Variants in GTF2A2 observed in about 807,000 individuals in gnomAD.
GTF2A2 encodes general transcription factor IIA subunit 2, also known as transcription initiation factor IIA subunit 2.
A neutral mutation model predicts 14.3 loss-of-function variants in GTF2A2; 9 were observed. The observed-to-expected ratio is 0.63, with a 90% CI of 0.38 to 1.10. The LOEUF is 1.10. Ranked by LOEUF, GTF2A2 falls within the 50% of genes least tolerant of loss-of-function variation. The pLI, the probability that GTF2A2 is intolerant of heterozygous loss-of-function variation, is 0.01. For missense variants in GTF2A2, 90 were observed against 124.6 expected, an observed-to-expected ratio of 0.72 and a Z score of 1.32; for synonymous variants, 56 against 46.0, an observed-to-expected ratio of 1.22 and a Z score of -0.88.
At chr15:59,639,649 G>A (rs998196988) in intron 4 of GTF2A2, among the ~76,000 whole-genome samples, 6 of 151,832 alleles carry the variant, frequency 4.0e-5, no homozygotes, top group South Asian at 2.1e-4. Context: ...CTTTAGAGAC[G>A]GGGTTTCACC....
chr15:59,641,369 T>A (rs1891420553), intron 4 of GTF2A2, among the ~76,000 whole-genome samples: 3 of 152,186 alleles, frequency 2.0e-5, no homozygotes, highest in Non-Finnish European at 4.4e-5. Context: ...GATTAGCTAT[T>A]TCTTTGGAAA....
chr15:59,655,295 C>A (rs763407625), intron 1 of GTF2A2, among the ~76,000 whole-genome samples: 1 of 152,188 alleles, frequency 6.6e-6, no homozygotes, highest in Non-Finnish European at 1.5e-5. Flanking sequence ...AGCAAAATCC[C>A]TTAGTTTTGT....
At chr15:59,652,087 C>T (rs1322952532) in intron 2 of GTF2A2, 119 bp downstream of exon 2, 2 of 647,680 alleles carry the variant, frequency 3.1e-6, no homozygotes, top group South Asian at 1.9e-5. Flanking sequence ...GTGTTACTGA[C>T]TTGCTGGGTC....
chr15:59,653,345 T>A (rs1891850283), intron 1 of GTF2A2, among the ~76,000 whole-genome samples: 1 of 152,150 alleles, frequency 6.6e-6, no homozygotes, highest in Admixed American at 6.5e-5. Flanking sequence ...GGAAAATACA[T>A]TTGAGGAGCA....
intron 4 of GTF2A2, among the ~76,000 whole-genome samples, 197 bp downstream of exon 4, chr15:59,641,939 A>ATGT (rs1891442096): frequency 6.6e-6 from 1 of 152,232 alleles, no homozygotes; most frequent in Non-Finnish European, 1.5e-5. Flanking sequence ...AGCAGTCTAT[A>ATGT]TGTTATTAAG....
At chr15:59,647,183 C>G (rs1212669695) in intron 3 of GTF2A2, among the ~76,000 whole-genome samples, 2 of 152,290 alleles carry the variant, frequency 1.3e-5, no homozygotes, top group East Asian at 3.9e-4. Flanking sequence ...GCCACAACCT[C>G]CTGGGCTCAA....
intron 4 of GTF2A2, among the ~76,000 whole-genome samples, chr15:59,640,606 A>G (rs1490080904): frequency 6.6e-6 from 1 of 152,216 alleles, no homozygotes; most frequent in East Asian, 1.9e-4. Context: ...ATGCAACAGA[A>G]CATGTCCGTG....
chr15:59,655,047 T>C (rs1299314674), intron 1 of GTF2A2, among the ~76,000 whole-genome samples: 1 of 152,216 alleles, frequency 6.6e-6, no homozygotes, highest in South Asian at 2.1e-4. Flanking sequence ...TATTTTTATC[T>C]AAATCCAATC....
At position 59,650,675 on chromosome 15, in the gene GTF2A2, A is replaced by G; in HGVS notation, c.171T>C (p.Asn57=). The G allele has an allele frequency of 6.4e-7, 1 of 1,570,492 alleles. No individual in the cohort carries two copies. The highest frequency in any genetic ancestry group is 8.8e-7 in the Non-Finnish European group (1 of 1,140,704). Residue 57 remains asparagine (N), a synonymous_variant, in exon 3 of 5, where the codon AAT becomes AAC. Transcript: ENST00000396060. The part of the protein sequence containing the change: ...ALAQRVRNRV[N]FRGSLNTYRF... ...TTCAGGAAAATATCCTTACCCTGAAATTGACTCTGTTCCTGACCCTCTGAG... is the reference window on the plus strand; with the variant it reads ...TTCAGGAAAATATCCTTACCCTGAAGTTGACTCTGTTCCTGACCCTCTGAG...
intron 3 of GTF2A2, among the ~76,000 whole-genome samples, chr15:59,649,382 T>C (rs1891721267): frequency 2.0e-5 from 3 of 152,208 alleles, no homozygotes. Context: ...TAACTCTAGC[T>C]AAAGAAATCC....
chr15:59,640,975 A>G (rs1373339167), intron 4 of GTF2A2, among the ~76,000 whole-genome samples: 2 of 152,230 alleles, frequency 1.3e-5, no homozygotes, highest in Non-Finnish European at 2.9e-5. Context: ...GTCCCCAACA[A>G]TAACGCTGCT....
chr15:59,649,560 T>TAA (rs1891728031), intron 3 of GTF2A2, among the ~76,000 whole-genome samples: 1 of 152,182 alleles, frequency 6.6e-6, no homozygotes, highest in Non-Finnish European at 1.5e-5. Context: ...AAACACAAAC[T>TAA]AATTTTGGCA....
chr15:59,652,580 C>T lies in GTF2A2; in HGVS notation c.-49-254G>A, dbSNP rs748477274. Among the ~76,000 whole-genome samples, 12 of 152,264 alleles carry T rather than the reference C, an allele frequency of 7.9e-5. No homozygotes were observed. The East Asian group carries it at 1.2e-3, about 15-fold the overall frequency. The stretch of plus-strand genomic sequence containing the variant: ...TGTTATATTTATTAAAATGTCTTTA[C>T]CATTTCCTTCAAATGTCTGCCTTCT... On this transcript the variant is annotated intron_variant, in intron 1 of 4. Coordinates refer to ENST00000396060, the MANE Select transcript of GTF2A2 (RefSeq NM_004492.3).
At chr15:59,652,601 C>T (rs1345260937) in intron 1 of GTF2A2, among the ~76,000 whole-genome samples, 1 of 152,052 alleles carries the variant, frequency 6.6e-6, no homozygotes, top group African/African-American at 2.4e-5. Context: ...AAATGTCTGC[C>T]TTCTGACTTA....
intron 1 of GTF2A2, chr15:59,656,937 G>A (rs1211443766): frequency 6.6e-6 from 1 of 152,184 alleles, no homozygotes; most frequent in Admixed American, 6.5e-5. Flanking sequence ...GAAGTAACTC[G>A]TCCTAGCATT....
chr15:59,642,078 A>C (rs1303502527), intron 4 of GTF2A2, 58 bp downstream of exon 4: 3 of 1,503,682 alleles, frequency 2.0e-6, no homozygotes, highest in Non-Finnish European at 2.7e-6. Flanking sequence ...CAGATCTTCT[A>C]AAGGCTCATA....
At chr15:59,646,453 T>G (rs1328054638) in intron 3 of GTF2A2, among the ~76,000 whole-genome samples, 1 of 152,236 alleles carries the variant, frequency 6.6e-6, no homozygotes. Flanking sequence ...TATGCCTTTG[T>G]GTCCTCATAG....
chr15:59,640,951 C>CTGAACTATA (rs1158621603), intron 4 of GTF2A2, among the ~76,000 whole-genome samples: 11 of 152,168 alleles, frequency 7.2e-5, no homozygotes, highest in Non-Finnish European at 1.3e-4. Context: ...AGGTAACCTT[C>CTGAACTATA]TGAACTATAA....
In GTF2A2 at chr15:59,650,750, A is replaced by G. The variant is rs774807884; in HGVS notation, c.96T>C (p.Leu32=). The part of the protein sequence containing the change: ...LIQSQQITPQ[L]ALQVLLQFDK... ...CAAACTGAAGTAGAACTTGAAGGGCAAGTTGGGGGGTGATCTGTTGAGACT... is the reference window on the plus strand; with the variant it reads ...CAAACTGAAGTAGAACTTGAAGGGCGAGTTGGGGGGTGATCTGTTGAGACT... The change falls in exon 3 of 5, where the codon CTT becomes CTC. Residue 32 remains leucine, a synonymous_variant. Transcript: ENST00000396060. The G allele has an allele frequency of 6.2e-7, 1 of 1,606,550 alleles. No individual in the cohort carries two copies. The highest frequency in any genetic ancestry group is 2.2e-5 in the East Asian group (1 of 44,836).
Sources: gnomAD v4.1 joint callset for allele counts (sites outside exome capture counted in the v4.1 genomes callset) on GRCh38, gnomAD v4.1.1 for gene constraint, MANE v1.5 for transcripts, NCBI Gene and HGNC (gene_info 2026-07-23, HGNC 2026-07-21) for gene names.